The following SYT11 variants were observed in gnomAD, a reference collection of about 807,000 sequenced individuals.
The protein encoded by SYT11 is synaptotagmin-11.
Under a neutral mutation model 30.4 loss-of-function variants are expected in SYT11, and 12 were observed. The ratio of observed to expected loss-of-function variants is 0.39; its 90% CI spans 0.25 to 0.64. The LOEUF (loss-of-function observed/expected upper bound fraction) is 0.64. Among genes scored for constraint, SYT11 ranks in the 30% least tolerant of loss-of-function variants. The pLI is 0.45. For missense variants in SYT11, 412 were observed against 552.0 expected (o/e 0.75, Z 2.54); for synonymous variants, 204 against 216.0 (o/e 0.94, Z 0.49).
rs750356463 is a variant in SYT11, at chr1:155,881,523, C to A, written c.*15C>A. The A allele has an allele frequency of 3.2e-6, 5 of 1,569,680 alleles. No individual in the cohort carries two copies. Among genetic ancestry groups the A allele is most frequent in the Non-Finnish European group, 3.5e-6 (4 of 1,152,600 alleles). Reference sequence around the variant, plus strand: ...GCGAGTACTAATCCTGTTCTTCTCTCCTCTAATCCCCGGGGGCCAAGCTGG... The same window carrying A: ...GCGAGTACTAATCCTGTTCTTCTCTACTCTAATCCCCGGGGGCCAAGCTGG... On this transcript the variant is annotated 3_prime_UTR_variant, in exon 4 of 4. Coordinates refer to ENST00000368324, the MANE Select transcript of SYT11 (RefSeq NM_152280.5).
intron 1 of SYT11, among the ~76,000 whole-genome samples, chr1:155,864,665 A>C (rs150308813): frequency 6.7e-6 from 1 of 150,030 alleles, no homozygotes; most frequent in East Asian, 2.0e-4. Context: ...CCAAATAGAA[A>C]TTTACATTTA....
chr1:155,874,313 T>C (rs1016827247), intron 2 of SYT11, among the ~76,000 whole-genome samples: 1 of 106,738 alleles, frequency 9.4e-6, no homozygotes, highest in African/African-American at 2.7e-5. Flanking sequence ...ACACATTGGC[T>C]GAGGGACCAA....
At chr1:155,871,891 A>G (rs1672786035) in intron 2 of SYT11, among the ~76,000 whole-genome samples, 1 of 152,022 alleles carries the variant, frequency 6.6e-6, no homozygotes, top group Admixed American at 6.6e-5. Context: ...GCAGGCTGCA[A>G]ATGTCTATCC....
chr1:155,873,898 T>A (rs1672818231), intron 2 of SYT11, among the ~76,000 whole-genome samples: 1 of 152,246 alleles, frequency 6.6e-6, no homozygotes, highest in African/African-American at 2.4e-5. Flanking sequence ...TCATTTGATG[T>A]GGCTAATAGT....
At position 155,860,152 on chromosome 1, in the gene SYT11, C is replaced by T. The variant is rs1672530405; in HGVS notation, c.34+357C>T. Among the ~76,000 whole-genome samples, 1 of 152,242 alleles carries T rather than the reference C, an allele frequency of 6.6e-6. No individual in the cohort carries two copies. The highest frequency in any genetic ancestry group is 6.5e-5 in the Admixed American group (1 of 15,286). ...AGGTGGGGTAGGCCAAGCCCTCCCC[C>T]TTGGGGCACACAGGGCGGTGCCCCT... On this transcript the variant is annotated intron_variant, in intron 1 of 3. Transcript: ENST00000368324. This position sits in a 1 kb window ranked among gnomAD's most constrained non-coding sequence, Gnocchi z 4.1.
chr1:155,867,116 G>T (rs1398489380), intron 1 of SYT11, among the ~76,000 whole-genome samples: 1 of 150,756 alleles, frequency 6.6e-6, no homozygotes, highest in Non-Finnish European at 1.5e-5. Context: ...GGAATGCAGT[G>T]GCACGATCTC....
chr1:155,867,994 G>C lies in SYT11; in HGVS notation c.64G>C (p.Gly22Arg). The change falls in exon 2 of 4, where the codon GGG becomes CGG. Residue 22 changes from glycine to arginine, a missense_variant. Physicochemically the swap from Gly to Arg is moderately radical, Grantham distance 125. Transcript: ENST00000368324. ...GTCACCGGTGGTGGCCGGCCTCATCGGGGCCTCTGTGCTGGTGGTGTGTGT... is the reference window on the plus strand; with the variant it reads ...GTCACCGGTGGTGGCCGGCCTCATCCGGGCCTCTGTGCTGGTGGTGTGTGT... The part of the protein sequence containing the change: ...DVSPVVAGLI[G>R]ASVLVVCVSV... 6.2e-7 allele frequency: 1 copy of C among 1,611,352 alleles called. No individual in the cohort carries two copies. The highest frequency in any genetic ancestry group is 8.5e-7 in the Non-Finnish European group (1 of 1,179,260).
intron 2 of SYT11, among the ~76,000 whole-genome samples, chr1:155,872,070 C>CAAAATAA (rs547789944): frequency 4.6e-5 from 7 of 151,058 alleles, no homozygotes; most frequent in African/African-American, 9.8e-5. Flanking sequence ...GACCCTGTCT[C>CAAAATAA]AAAATAAAAA....
At chr1:155,864,708 C>CTTTTTT (rs773089384) in intron 1 of SYT11, among the ~76,000 whole-genome samples, 1 of 128,276 alleles carries the variant, frequency 7.8e-6, no homozygotes, top group Middle Eastern at 4.1e-3. Context: ...TGACTCAATC[C>CTTTTTT]TTTTTTTTTT....
At chr1:155,869,981 T>C (rs1672756415) in intron 2 of SYT11, among the ~76,000 whole-genome samples, 1 of 152,212 alleles carries the variant, frequency 6.6e-6, no homozygotes, top group African/African-American at 2.4e-5. Context: ...TTGTCATTTG[T>C]AAAATGGAGC....
chr1:155,869,252 C>T (rs1672743549), intron 2 of SYT11, among the ~76,000 whole-genome samples: 1 of 146,146 alleles, frequency 6.8e-6, no homozygotes, highest in Non-Finnish European at 1.5e-5. Flanking sequence ...TAAATGATAC[C>T]ATGTACATGT....
chr1:155,865,291 G>A (rs1672651297), intron 1 of SYT11, among the ~76,000 whole-genome samples: 2 of 152,136 alleles, frequency 1.3e-5, no homozygotes, highest in Non-Finnish European at 1.5e-5. Context: ...GAGGTTCGGG[G>A]CTCACGATAA....
At chr1:155,865,695 T>G (rs1672661402) in intron 1 of SYT11, among the ~76,000 whole-genome samples, 1 of 152,032 alleles carries the variant, frequency 6.6e-6, no homozygotes, top group East Asian at 1.9e-4. Flanking sequence ...TATTTCCTTT[T>G]CTTTTTTTTC....
At chr1:155,869,064 G>A (rs1040633415) in intron 2 of SYT11, among the ~76,000 whole-genome samples, 11 of 152,106 alleles carry the variant, frequency 7.2e-5, no homozygotes, top group Non-Finnish European at 1.6e-4. Context: ...AGCTTACTTG[G>A]AACAGGCTGG....
At chr1:155,874,159 A>G (rs1672823681) in intron 2 of SYT11, among the ~76,000 whole-genome samples, 1 of 152,294 alleles carries the variant, frequency 6.6e-6, no homozygotes, top group Non-Finnish European at 1.5e-5. Flanking sequence ...CGGTAATCCC[A>G]GCTACTCAGG....
chr1:155,878,060 T>C (rs1211199053), intron 2 of SYT11, among the ~76,000 whole-genome samples: 1 of 151,706 alleles, frequency 6.6e-6, no homozygotes, highest in African/African-American at 2.4e-5. Context: ...CTGGGCAACA[T>C]AGTGAGACCC....
At chr1:155,866,409 A>T (rs924938199) in intron 1 of SYT11, among the ~76,000 whole-genome samples, 14 of 152,002 alleles carry the variant, frequency 9.2e-5, no homozygotes, top group Admixed American at 6.6e-5. Flanking sequence ...GAGCCGCCAC[A>T]CCCGGCCTAT....
chr1:155,869,848 G>T (rs1672753778), intron 2 of SYT11, among the ~76,000 whole-genome samples: 1 of 152,144 alleles, frequency 6.6e-6, no homozygotes, highest in South Asian at 2.1e-4. Context: ...AACTGGGGAG[G>T]CAGTGAAATG....
At chr1:155,876,416 T>TTCTATTTC in intron 2 of SYT11, among the ~76,000 whole-genome samples, 1 of 151,678 alleles carries the variant, frequency 6.6e-6, no homozygotes, top group Middle Eastern at 3.4e-3. Flanking sequence ...CGGCTAATTT[T>TTCTATTTC]TTTGTATTTT....
Sources: gnomAD v4.1 joint callset for allele counts (sites outside exome capture counted in the v4.1 genomes callset) on GRCh38, gnomAD v4.1.1 for gene constraint, Gnocchi (gnomAD v3.1) non-coding constraint, MANE v1.5 for transcripts, NCBI Gene and HGNC (gene_info 2026-07-23, HGNC 2026-07-21) for gene names.